The following MED27 variants were observed in gnomAD, a reference collection of about 807,000 sequenced individuals.
MED27 encodes mediator of RNA polymerase II transcription subunit 27.
A neutral mutation model predicts 38.2 loss-of-function variants in MED27; 30 were observed. The observed-to-expected ratio is 0.79, with a 90% CI of 0.59 to 1.07. The LOEUF (loss-of-function observed/expected upper bound fraction) is 1.07, where lower values mean the gene tolerates loss of function less well. MED27 is among the 50% of genes least tolerant of loss of function. The pLI is 0.00. For synonymous variants in MED27, 122 were observed against 153.5 expected, an observed-to-expected ratio of 0.79 and a Z score of 1.52; for missense variants, 289 against 397.5, an observed-to-expected ratio of 0.73 and a Z score of 2.32.
intron 6 of MED27, among the ~76,000 whole-genome samples, chr9:131,881,298 C>T (rs534450474): frequency 6.6e-6 from 1 of 152,248 alleles, no homozygotes; most frequent in South Asian, 2.1e-4. Context: ...CAAGTAAATA[C>T]CTCTGGTATG....
At chr9:132,069,001 C>T (rs1276620055) in intron 2 of MED27, among the ~76,000 whole-genome samples, 1 of 152,224 alleles carries the variant, frequency 6.6e-6, no homozygotes, top group Non-Finnish European at 1.5e-5. Flanking sequence ...TGATATGCTT[C>T]CTTCCCACCA....
intron 2 of MED27, among the ~76,000 whole-genome samples, chr9:132,071,360 T>C (rs1393973384): frequency 6.7e-6 from 1 of 149,358 alleles, no homozygotes; most frequent in Non-Finnish European, 1.5e-5. Flanking sequence ...ACGTGTAACA[T>C]GCACCCCATA....
chr9:131,884,410 A>G (rs76002435), intron 5 of MED27, among the ~76,000 whole-genome samples: 7,546 of 152,176 alleles, frequency 0.05, 337 homozygotes, highest in Non-Finnish European at 0.067. Flanking sequence ...GCTCTTGCAT[A>G]TCTCAATGCC....
chr9:131,865,523 T>A (rs949957604), intron 6 of MED27, among the ~76,000 whole-genome samples: 13 of 152,240 alleles, frequency 8.5e-5, no homozygotes, highest in Non-Finnish European at 1.0e-4. Flanking sequence ...CCAAAGTTTC[T>A]GGAGAATTCT....
At chr9:132,027,872 T>C (rs1462576244) in intron 2 of MED27, among the ~76,000 whole-genome samples, 1 of 152,226 alleles carries the variant, frequency 6.6e-6, no homozygotes, top group Non-Finnish European at 1.5e-5. Context: ...CCCAAAGCTT[T>C]GATAAGGAGC....
intron 4 of MED27, among the ~76,000 whole-genome samples, chr9:131,926,320 C>T (rs996950000): frequency 6.6e-6 from 1 of 152,228 alleles, no homozygotes; most frequent in Non-Finnish European, 1.5e-5. Flanking sequence ...CAGTTTGACA[C>T]TAGAGCTGGG....
In MED27 at chr9:131,986,999, ATTTTTTTTTTTTTTTT is replaced by A. The variant is rs66519112; in HGVS notation, c.479+27322_479+27337del. Among the ~76,000 whole-genome samples the A allele has an allele frequency of 9.1e-4, 42 of 46,256 alleles. No homozygotes were observed. In the East Asian group the frequency reaches 0.011, roughly 12 times the overall value. The allele number at this position is 46,256 out of a possible 152,430, so 30.3% of individuals were successfully genotyped here. ...CATGGGCCTTTCCTTGAGTTCATGGATTTTTTTTTTTTTTTTTTTTTTTTTTTTTTTAGAATACTAC... is the reference window on the plus strand; with the variant it reads ...CATGGGCCTTTCCTTGAGTTCATGGATTTTTTTTTTTTTTTAGAATACTAC... On this transcript the variant is annotated intron_variant, in intron 3 of 7. Transcript: ENST00000292035.
Position 131,860,533 on chromosome 9 carries a change from G to A in MED27, c.*5C>T. The A allele has an allele frequency of 6.6e-7, 1 of 1,519,406 alleles. No homozygotes were observed. Among genetic ancestry groups the A allele is most frequent in the Non-Finnish European group, 8.8e-7 (1 of 1,133,370 alleles). The allele number at this position is 1,519,406 out of a possible 1,614,324, so 94.1% of individuals were successfully genotyped here. On this transcript the variant is annotated 3_prime_UTR_variant, in exon 8 of 8. Transcript: ENST00000292035. The surrounding 1 kb of genome is among the most constrained non-coding windows in gnomAD (Gnocchi z 5.8). ...TGGGGTCTGAGGCTGGGGCCAGCGT[G>A]GGGGCTACTGCCGGCAGGTGTCATG...
chr9:132,016,321 T>C (rs1832601469), intron 2 of MED27, among the ~76,000 whole-genome samples: 1 of 152,224 alleles, frequency 6.6e-6, no homozygotes. Context: ...TTTAACAGGC[T>C]CTTGATTTAC....
Position 131,869,168 on chromosome 9 carries a change from G to C in MED27, c.724-6028C>G, listed in dbSNP as rs574811155. On this transcript the variant is annotated intron_variant, in intron 6 of 7. Transcript: ENST00000292035. ...CAGAAATATTTTAATAAAGGAAACA[G>C]AGCTGATGAACTCGCCATGTTTTCC... 3.1e-4 allele frequency: 302 copies of C among 985,392 alleles called. 5 individuals are homozygous for C. The South Asian group carries it at 0.012, about 41-fold the overall frequency. The allele number at this position is 985,392 out of a possible 1,614,324, so 61.0% of individuals were successfully genotyped here. A position where few individuals can be genotyped will look rare whatever the true frequency, so the allele number is the denominator to read the frequency against.
intron 4 of MED27, among the ~76,000 whole-genome samples, chr9:131,905,468 C>T (rs908058732): frequency 2.0e-5 from 3 of 152,136 alleles, no homozygotes; most frequent in African/African-American, 4.8e-5. Flanking sequence ...CCAGCTGGCC[C>T]AGGGGTAGGC....
chr9:131,948,479 T>A (rs771819642), intron 3 of MED27, among the ~76,000 whole-genome samples: 4 of 141,372 alleles, frequency 2.8e-5, no homozygotes, highest in Admixed American at 7.3e-5. Context: ...AGACACTCCG[T>A]CTCAAAAAAA....
At chr9:131,943,361 C>T (rs978476123) in intron 3 of MED27, among the ~76,000 whole-genome samples, 1 of 152,174 alleles carries the variant, frequency 6.6e-6, no homozygotes, top group African/African-American at 2.4e-5. Flanking sequence ...ACAAAAATGA[C>T]ACTCTTTCTT....
intron 2 of MED27, among the ~76,000 whole-genome samples, chr9:132,025,471 C>T (rs564336345): frequency 6.6e-6 from 1 of 152,342 alleles, no homozygotes; most frequent in East Asian, 1.9e-4. Flanking sequence ...CGTGAGCCAC[C>T]GCGCCCAGCC....
chr9:132,077,711 T>C, intron 1 of MED27, 125 bp from the exon 2 acceptor site: 2 of 966,012 alleles, frequency 2.1e-6, no homozygotes, highest in South Asian at 2.3e-5. Flanking sequence ...AGAAATACTT[T>C]TTGAAAGGTT....
At chr9:131,962,521 G>A (rs1414672104) in intron 3 of MED27, among the ~76,000 whole-genome samples, 2 of 149,900 alleles carry the variant, frequency 1.3e-5, no homozygotes, top group Non-Finnish European at 3.0e-5. Context: ...CTACAGGTGT[G>A]AGCCATTGTG....
chr9:132,040,858 C>T lies in MED27; in HGVS notation c.349-26391G>A, dbSNP rs543209010. On this transcript the variant is annotated intron_variant, in intron 2 of 7. Coordinates refer to ENST00000292035, the MANE Select transcript of MED27 (RefSeq NM_004269.4). ...ATATGCTTTGTCAAACAACTAGGTGCTTCCATCATTTTCCCTCATGTTGAG... is the reference window on the plus strand; with the variant it reads ...ATATGCTTTGTCAAACAACTAGGTGTTTCCATCATTTTCCCTCATGTTGAG... Among the ~76,000 whole-genome samples, 5 of 152,334 alleles carry T rather than the reference C, an allele frequency of 3.3e-5. No homozygotes were observed. The South Asian group carries it at 1.0e-3, about 32-fold the overall frequency.
rs73658163 is a variant in MED27 at position 131,969,731 on chromosome 9, C to T, written c.480-30257G>A. On this transcript the variant is annotated intron_variant, in intron 3 of 7. Coordinates refer to ENST00000292035, the MANE Select transcript of MED27 (RefSeq NM_004269.4). ...AGCTCAGAGGCTTGAGAGGGCAGCG[C>T]ATGAGAGTGGCTACTTGGAGGTGGT... Among the ~76,000 whole-genome samples the T allele has an allele frequency of 6.6e-3, 1,004 of 152,256 alleles. 10 individuals carry two copies. Among genetic ancestry groups the T allele is most frequent in the African/African-American group, 0.022 (932 of 41,524 alleles).
Position 131,997,044 on chromosome 9 carries a change from G to A in MED27, c.479+17293C>T, listed in dbSNP as rs553350986. ...ATGGTGGGGGATGGGTACCCCTAAC[G>A]CTGTGTTAAGGGTCAACTGTAGTTT... On this transcript the variant is annotated intron_variant, in intron 3 of 7. Transcript: ENST00000292035. The surrounding 1 kb of genome is among the most constrained non-coding windows in gnomAD (Gnocchi z 4.0). Among the ~76,000 whole-genome samples the A allele has an allele frequency of 3.6e-4, 54 of 152,082 alleles. No individual in the cohort carries two copies. Among genetic ancestry groups the A allele is most frequent in the Non-Finnish European group, 5.4e-4 (37 of 68,006 alleles).
Sources: allele counts gnomAD v4.1 joint callset (sites outside exome capture counted in the v4.1 genomes callset), GRCh38; gene constraint gnomAD v4.1.1; non-coding constraint Gnocchi (gnomAD v3.1); transcripts MANE v1.5; gene names NCBI Gene and HGNC (gene_info 2026-07-23, HGNC 2026-07-21).